Variants in PCSK5 observed in about 807,000 individuals in gnomAD.
PCSK5 encodes prohormone convertase 5.
A neutral mutation model predicts 233.2 loss-of-function variants in PCSK5; 129 were observed. The ratio of observed to expected loss-of-function variants is 0.55; its 90% CI spans 0.48 to 0.64. The LOEUF (loss-of-function observed/expected upper bound fraction) is 0.64. PCSK5 is among the 30% of genes least tolerant of loss of function. PCSK5 has a pLI of 0.00. For synonymous variants in PCSK5, 825 were observed against 879.2 expected, an observed-to-expected ratio of 0.94 and a Z score of 1.09; for missense variants, 2,076 against 2,430.1, an observed-to-expected ratio of 0.85 and a Z score of 3.06.
chr9:76,211,851 A>C (rs925186825), intron 20 of PCSK5, among the ~76,000 whole-genome samples: 1 of 152,096 alleles, frequency 6.6e-6, no homozygotes, highest in African/African-American at 2.4e-5. Context: ...GTGTCTCAAA[A>C]AAAAAATCAA....
chr9:76,188,968 G>GA, intron 18 of PCSK5, 126 bp from the exon 19 acceptor site: 1 of 851,174 alleles, frequency 1.2e-6, no homozygotes, highest in Admixed American at 3.2e-5. Flanking sequence ...GGGAAATCAA[G>GA]AAAAAGCATG....
At chr9:76,196,318 A>T (rs1191967375) in intron 20 of PCSK5, among the ~76,000 whole-genome samples, 2 of 152,216 alleles carry the variant, frequency 1.3e-5, no homozygotes, top group African/African-American at 4.8e-5. Flanking sequence ...AAAGCTGTTA[A>T]AGAGGAAGGT....
chr9:76,200,505 C>A (rs1288118179), intron 20 of PCSK5, among the ~76,000 whole-genome samples: 1 of 152,242 alleles, frequency 6.6e-6, no homozygotes, highest in Admixed American at 6.5e-5. Context: ...CCCGTGAGAG[C>A]TGGTGCTTCA....
At chr9:76,040,015 T>C (rs1167724015) in intron 5 of PCSK5, among the ~76,000 whole-genome samples, 1 of 152,226 alleles carries the variant, frequency 6.6e-6, no homozygotes, top group Non-Finnish European at 1.5e-5. Flanking sequence ...ATCTAGAGTT[T>C]TACAGTTCAC....
chr9:75,949,138 A>G (rs1004515223), intron 2 of PCSK5, among the ~76,000 whole-genome samples: 10 of 151,012 alleles, frequency 6.6e-5, no homozygotes, highest in African/African-American at 2.4e-4. Context: ...TATGTCTCAG[A>G]TATGTCAAGG....
intron 5 of PCSK5, among the ~76,000 whole-genome samples, chr9:76,063,275 CA>C (rs1304552854): frequency 6.9e-6 from 1 of 144,582 alleles, no homozygotes; most frequent in African/African-American, 2.5e-5. Flanking sequence ...TGTAGGACAA[CA>C]GGTGTGCACC....
intron 2 of PCSK5, among the ~76,000 whole-genome samples, chr9:75,955,980 C>T (rs1051468054): frequency 2.0e-5 from 3 of 152,076 alleles, no homozygotes; most frequent in African/African-American, 7.2e-5. Context: ...AAACAAAGAC[C>T]CTAAGAGATT....
chr9:76,220,472 A>G (rs1825692157), intron 20 of PCSK5, among the ~76,000 whole-genome samples: 1 of 147,528 alleles, frequency 6.8e-6, no homozygotes, highest in Non-Finnish European at 1.5e-5. Context: ...GGTTGCAGTG[A>G]GCTGAAAATG....
chr9:76,106,943 A>G (rs896604646), intron 8 of PCSK5, among the ~76,000 whole-genome samples: 3 of 152,238 alleles, frequency 2.0e-5, no homozygotes, highest in African/African-American at 7.2e-5. Flanking sequence ...AGAAGCAAGC[A>G]AGATGCTTAC....
In PCSK5 at chr9:76,289,374, AT is replaced by A. The variant is rs1828193258; in HGVS notation, c.3143-2858del. Among the ~76,000 whole-genome samples the A allele has an allele frequency of 2.6e-5, 4 of 152,044 alleles. No homozygotes were observed. In the South Asian group the frequency reaches 8.3e-4, roughly 32 times the overall value. The stretch of plus-strand genomic sequence containing the variant: ...CAGCTCAAAAGTTTGACAAAATCAA[AT>A]CACCCGAGCTATTTAAACATCCTTC... On this transcript the variant is annotated intron_variant, in intron 24 of 37. Transcript: ENST00000674117.
intron 7 of PCSK5, among the ~76,000 whole-genome samples, chr9:76,094,092 A>G (rs1831409758): frequency 6.6e-6 from 1 of 152,192 alleles, no homozygotes; most frequent in African/African-American, 2.4e-5. Context: ...GAATATTTCC[A>G]ATTCCTGGGT....
Position 76,176,663 on chromosome 9 carries a change from G to A in PCSK5, c.1900+1534G>A, listed in dbSNP as rs560106985. Reference sequence around the variant, plus strand: ...TTTATGTAGTTTTCTTCTTGTTAGCGTTACACCTAAGTATTTTTGGGCCTT... The same window carrying A: ...TTTATGTAGTTTTCTTCTTGTTAGCATTACACCTAAGTATTTTTGGGCCTT... On this transcript the variant is annotated intron_variant, in intron 14 of 37. Transcript: ENST00000674117. 3.0e-4 allele frequency among the ~76,000 whole-genome samples: 46 copies of A among 152,178 alleles called. 1 individual carries two copies. In the South Asian group the frequency reaches 8.6e-3, roughly 28 times the overall value.
At chr9:76,227,636 G>A (rs201131321) in intron 21 of PCSK5, 31 bp downstream of exon 21, 15 of 1,393,594 alleles carry the variant, frequency 1.1e-5, no homozygotes, top group Non-Finnish European at 1.5e-5. Flanking sequence ...TCCCGGTGGT[G>A]TGAGCTCATG....
rs201829220 is a variant in PCSK5 at position 76,328,196 on chromosome 9, G to A, written c.4527G>A (p.Ala1509=). The change falls in exon 33 of 38, where the codon GCG becomes GCA. Residue 1509 remains alanine, a synonymous_variant. Coordinates refer to ENST00000674117, the MANE Select transcript of PCSK5 (RefSeq NM_001372043.1). ...AGTGCTTCCACTGCATGGGGCCGGCGGAGGACCAGTGTCAAACATGCCCCA... is the reference window on the plus strand; with the variant it reads ...AGTGCTTCCACTGCATGGGGCCGGCAGAGGACCAGTGTCAAACATGCCCCA... ...HVKCFHCMGP[A]EDQCQTCPMN... The A allele has an allele frequency of 1.9e-4, 309 of 1,612,808 alleles. 2 individuals are homozygous for A. The highest frequency in any genetic ancestry group is 1.4e-3 in the South Asian group (130 of 91,076).
At chr9:76,000,368 C>CG (rs1827211848) in intron 3 of PCSK5, among the ~76,000 whole-genome samples, 1 of 152,140 alleles carries the variant, frequency 6.6e-6, no homozygotes, top group South Asian at 2.1e-4. Flanking sequence ...TTCCCAGTGA[C>CG]GGTGTGTATT....
chr9:76,288,365 C>T (rs576484783), intron 24 of PCSK5, among the ~76,000 whole-genome samples: 1 of 152,272 alleles, frequency 6.6e-6, no homozygotes, highest in South Asian at 2.1e-4. Flanking sequence ...TCAAAACCAC[C>T]AGGGCAACAC....
At chr9:76,046,528 C>T (rs568566225) in intron 5 of PCSK5, among the ~76,000 whole-genome samples, 8 of 144,520 alleles carry the variant, frequency 5.5e-5, no homozygotes, top group Non-Finnish European at 1.1e-4. Flanking sequence ...AGAAGGAATA[C>T]AACTCTAGTT....
At chr9:76,135,359 C>G (rs1376463104) in intron 10 of PCSK5, among the ~76,000 whole-genome samples, 1 of 151,896 alleles carries the variant, frequency 6.6e-6, no homozygotes, top group Non-Finnish European at 1.5e-5. Flanking sequence ...TCCTAGATAA[C>G]CAGTGCCACA....
chr9:75,922,044 C>T (rs1823280722), intron 1 of PCSK5, among the ~76,000 whole-genome samples: 1 of 152,240 alleles, frequency 6.6e-6, no homozygotes, highest in East Asian at 1.9e-4. Context: ...CTCATGTCAA[C>T]AGGGACTGTG....
Sources: allele counts gnomAD v4.1 joint callset (sites outside exome capture counted in the v4.1 genomes callset), GRCh38; gene constraint gnomAD v4.1.1; transcripts MANE v1.5; gene names NCBI Gene and HGNC (gene_info 2026-07-23, HGNC 2026-07-21).